PM20D2: variants seen among roughly 807,000 people sequenced by gnomAD.
PM20D2 encodes the protein peptidase M20 domain containing 2.
PM20D2 carries 33 observed loss-of-function variants against 42.9 expected under a neutral mutation model. The ratio of observed to expected loss-of-function variants is 0.77; its 90% CI spans 0.58 to 1.03. The LOEUF is 1.03. Among genes scored for constraint, PM20D2 ranks in the 50% least tolerant of loss-of-function variants. PM20D2 has a pLI of 0.00. For synonymous variants in PM20D2, 250 were observed against 228.2 expected, an observed-to-expected ratio of 1.10 and a Z score of -0.86; for missense variants, 548 against 557.0, an observed-to-expected ratio of 0.98 and a Z score of 0.16.
At chr6:89,110,372 T>C in the PM20D2 span, among the ~76,000 whole-genome samples, 3 of 152,292 alleles carry the variant, frequency 2.0e-5, no homozygotes, top group Middle Eastern at 3.4e-3. Context: ...AGGGTTTAAA[T>C]ACCCTCTAAG....
At chr6:89,099,417 T>TATATATGTGTGTATATATATACACAC in the PM20D2 span, among the ~76,000 whole-genome samples, 10 of 131,722 alleles carry the variant, frequency 7.6e-5, no homozygotes, top group African/African-American at 3.3e-4. Flanking sequence ...TATATATACA[T>TATATATGTGTGTATATATATACACAC]ATATATATGT....
chr6:89,118,041 G>C, the PM20D2 span: 3 of 563,116 alleles, frequency 5.3e-6, no homozygotes, highest in African/African-American at 4.1e-5. Context: ...GCAGAGGCCG[G>C]CGCAGAGGGG....
At chr6:89,142,338 G>A (rs912751114), upstream of PM20D2, among the ~76,000 whole-genome samples, 3 of 152,134 alleles carry the variant, frequency 2.0e-5, no homozygotes, top group Admixed American at 6.5e-5. Flanking sequence ...AGTTAACCAA[G>A]TTTGCATGTG....
Position 89,149,352 on chromosome 6 carries a change from G to A in PM20D2, c.553G>A (p.Val185Ile). ...EAGAFTNLDVVFMAHPSQENA... is the reference protein window; with the variant it reads ...EAGAFTNLDVIFMAHPSQENA... ...AGGGGCTTTTACAAATCTTGATGTT[G>A]TTTTTATGGCCCACCCATCACAAGA... Residue 185 changes from valine to isoleucine, a missense_variant, in exon 2 of 7, where the codon GTT (valine) becomes ATT (isoleucine). Coordinates refer to ENST00000275072, the MANE Select transcript of PM20D2 (RefSeq NM_001010853.3). The A allele has an allele frequency of 6.2e-7, 1 of 1,613,984 alleles. No homozygotes were observed. The highest frequency in any genetic ancestry group is 8.5e-7 in the Non-Finnish European group (1 of 1,179,916).
At chr6:89,135,785 C>G in the PM20D2 span, among the ~76,000 whole-genome samples, 1 of 151,212 alleles carries the variant, frequency 6.6e-6, no homozygotes, top group African/African-American at 2.5e-5. Context: ...ACAAGCAGAA[C>G]TTCCTTTTTG....
chr6:89,117,716 C>T, the PM20D2 span: 11,594 of 1,151,324 alleles, frequency 0.01, 83 homozygotes, highest in South Asian at 0.017. Flanking sequence ...CGCGGGGAGG[C>T]TCCGCGCAGC....
In PM20D2 at chr6:89,146,591, G is replaced by T; in HGVS notation, c.447G>T (p.Arg149Ser). The T allele has an allele frequency of 1.4e-6, 2 of 1,453,628 alleles. No individual in the cohort carries two copies. 90.0% of individuals were successfully genotyped at this position (1,453,628 alleles called of 1,614,324 possible). A position where few individuals can be genotyped will look rare whatever the true frequency, so the allele number is the denominator to read the frequency against. Reference sequence around the variant, plus strand: ...GGGGGGCCTTAGAGGGCCTCCCCAGGCCGCCTCCGCCCGTGAAGGTGAGGT... The same window carrying T: ...GGGGGGCCTTAGAGGGCCTCCCCAGTCCGCCTCCGCCCGTGAAGGTGAGGT... ...GVRGALEGLP[R>S]PPPPVKVVVL... Residue 149 changes from arginine (R) to serine (S), a missense_variant, in exon 1 of 7, where the codon AGG becomes AGT. By Grantham distance (110) the Arg-to-Ser change is moderately radical (BLOSUM62 -1). Around this residue, in one of 3 missense-constraint regions of PM20D2, gnomAD observed 470 missense variants for 464.4 expected, o/e 1.01. Coordinates refer to ENST00000275072, the MANE Select transcript of PM20D2 (RefSeq NM_001010853.3).
At chr6:89,107,030 G>T in the PM20D2 span, 1 of 1,021,192 alleles carries the variant, frequency 9.8e-7, no homozygotes. Context: ...TAGATCTTCT[G>T]AGATAAAGAA....
chr6:89,099,474 A>ATG, the PM20D2 span, among the ~76,000 whole-genome samples: 3 of 146,024 alleles, frequency 2.1e-5, no homozygotes, highest in South Asian at 2.1e-4. Flanking sequence ...GTGTGTGTAT[A>ATG]TATATATGTG....
chr6:89,124,730 G>GTTTT, the PM20D2 span, among the ~76,000 whole-genome samples: 2 of 58,090 alleles, frequency 3.4e-5, no homozygotes, highest in Admixed American at 1.6e-4. Flanking sequence ...TGTTGTTGCT[G>GTTTT]TTGTTGTTTT....
At position 89,146,295 on chromosome 6, in the gene PM20D2, C is replaced by G. The variant is rs745934152; in HGVS notation, c.151C>G (p.Leu51Val). 2.2e-5 allele frequency: 34 copies of G among 1,581,092 alleles called. No homozygotes were observed. In the East Asian group the frequency reaches 7.1e-4, roughly 33 times the overall value. Residue 51 changes from leucine to valine, a missense_variant, in exon 1 of 7, where the codon CTG becomes GTG. By Grantham distance (32) the Leu-to-Val change is conservative (BLOSUM62 1). Coordinates refer to ENST00000275072, the MANE Select transcript of PM20D2 (RefSeq NM_001010853.3). ...CCGCGCGATCTGGAGCCAGCCCGAG[C>G]TGGCCTACGAGGAGCACCATGCCCA... Reference protein sequence around the residue: ...LSRAIWSQPELAYEEHHAHRV... With the variant: ...LSRAIWSQPEVAYEEHHAHRV...
chr6:89,165,116 T>C lies in PM20D2; in HGVS notation c.*2853T>C, dbSNP rs1207407944. On this transcript the variant is annotated 3_prime_UTR_variant, in exon 7 of 7. Transcript: ENST00000275072. Reference sequence around the variant, plus strand: ...TTAAAAATACTTAAGTCAGTCATTTTGAACAAAAGAAATTGATACAATAAG... The same window carrying C: ...TTAAAAATACTTAAGTCAGTCATTTCGAACAAAAGAAATTGATACAATAAG... 2 of 151,960 alleles carry C rather than the reference T, an allele frequency of 1.3e-5. No homozygotes were observed. Among genetic ancestry groups the C allele is most frequent in the African/African-American group, 4.8e-5 (2 of 41,426 alleles). The allele number at this position is 151,960 out of a possible 1,614,324, so 9.4% of individuals were successfully genotyped here.
chr6:89,148,241 A>C (rs1770678306), intron 1 of PM20D2, among the ~76,000 whole-genome samples: 1 of 151,996 alleles, frequency 6.6e-6, no homozygotes, highest in Admixed American at 6.6e-5. Context: ...GGCCTCCCAC[A>C]GTGCTAGGAT....
chr6:89,160,718 A>C (rs1771205295), intron 5 of PM20D2, among the ~76,000 whole-genome samples: 1 of 152,242 alleles, frequency 6.6e-6, no homozygotes, highest in African/African-American at 2.4e-5. Flanking sequence ...GAAAATTAAA[A>C]AGTACTGTAA....
chr6:89,098,236 T>C, the PM20D2 span: 1 of 165,466 alleles, frequency 6.0e-6, no homozygotes. Context: ...TCAAAAATAT[T>C]TGTGTAAAAG....
At chr6:89,130,003 C>T in the PM20D2 span, among the ~76,000 whole-genome samples, 1 of 151,718 alleles carries the variant, frequency 6.6e-6, no homozygotes, top group African/African-American at 2.4e-5. Context: ...CCCAGAGTGT[C>T]GGGATTACAG....
chr6:89,114,705 G>A, the PM20D2 span, among the ~76,000 whole-genome samples: 1 of 152,162 alleles, frequency 6.6e-6, no homozygotes, highest in Admixed American at 6.5e-5. Flanking sequence ...CAGAGATCAG[G>A]TGTCACCTGC....
At chr6:89,106,986 C>G in the PM20D2 span, 2 of 724,306 alleles carry the variant, frequency 2.8e-6, no homozygotes, top group Non-Finnish European at 4.8e-6. Context: ...TTGGTTCAAA[C>G]TGGGGGGTGC....
At chr6:89,141,816 T>A (rs1229042701), upstream of PM20D2, among the ~76,000 whole-genome samples, 1 of 152,114 alleles carries the variant, frequency 6.6e-6, no homozygotes, top group African/African-American at 2.4e-5. Flanking sequence ...AGTTTTATTT[T>A]ACTTTGAGAC....
Sources: gnomAD v4.1 joint callset for allele counts (sites outside exome capture counted in the v4.1 genomes callset) on GRCh38, gnomAD v4.1.1 for gene constraint, gnomAD v4.1.1 regional missense constraint, MANE v1.5 for transcripts, NCBI Gene and HGNC (gene_info 2026-07-23, HGNC 2026-07-21) for gene names.